The following MRTFB variants were observed in gnomAD, a reference collection of about 807,000 sequenced individuals.
MRTFB encodes the protein myocardin related transcription factor B.
In MRTFB, 29 loss-of-function variants were observed where a neutral mutation model predicts 104.2. The ratio of observed to expected loss-of-function variants is 0.28; its 90% CI spans 0.21 to 0.38. The LOEUF (loss-of-function observed/expected upper bound fraction) is 0.38. Among genes scored for constraint, MRTFB ranks in the 10% least tolerant of loss-of-function variants. The probability of loss-of-function intolerance (pLI) is 1.00; values close to 1 mark genes in which losing one functional copy is unlikely to be tolerated. For missense variants in MRTFB, 1,270 were observed against 1,341.6 expected (o/e 0.95, Z 0.83); for synonymous variants, 535 against 519.5 (o/e 1.03, Z -0.41).
At chr16:14,111,442 C>A (rs1417522422) in intron 2 of MRTFB, among the ~76,000 whole-genome samples, 2 of 152,168 alleles carry the variant, frequency 1.3e-5, no homozygotes, top group African/African-American at 4.8e-5. Flanking sequence ...TCCCCACTTG[C>A]TGTGGACATT....
intron 15 of MRTFB, among the ~76,000 whole-genome samples, chr16:14,252,776 A>G (rs1015702128): frequency 6.6e-6 from 1 of 152,200 alleles, no homozygotes; most frequent in Non-Finnish European, 1.5e-5. Context: ...GGCATCAGTC[A>G]TGTTAGAGAT....
intron 3 of MRTFB, among the ~76,000 whole-genome samples, chr16:14,166,052 C>T (rs1000416378): frequency 3.3e-5 from 5 of 152,148 alleles, no homozygotes; most frequent in Non-Finnish European, 7.3e-5. Context: ...TTATAATACT[C>T]GCTTTCTATG....
At chr16:14,192,936 G>C (rs539166869) in intron 3 of MRTFB, among the ~76,000 whole-genome samples, 3 of 152,162 alleles carry the variant, frequency 2.0e-5, no homozygotes, top group South Asian at 4.2e-4. Context: ...CTGTCACCAA[G>C]TCCTGCCGCC....
chr16:14,118,083 C>G, intron 2 of MRTFB, among the ~76,000 whole-genome samples: 1 of 151,094 alleles, frequency 6.6e-6, no homozygotes, highest in African/African-American at 2.4e-5. Context: ...AGAGTTGATG[C>G]TCCCCTGTGT....
intron 2 of MRTFB, among the ~76,000 whole-genome samples, chr16:14,107,647 T>C (rs564247481): frequency 6.2e-4 from 95 of 152,334 alleles, no homozygotes; most frequent in African/African-American, 2.2e-3. Context: ...GACTGCCCTG[T>C]GCCAGCTACT....
intron 2 of MRTFB, among the ~76,000 whole-genome samples, chr16:14,110,867 T>C (rs994509044): frequency 1.3e-5 from 2 of 152,140 alleles, no homozygotes; most frequent in African/African-American, 4.8e-5. Flanking sequence ...TTTCCCATCC[T>C]GTCCCGTCCC....
At chr16:14,007,560 A>G in the MRTFB span, among the ~76,000 whole-genome samples, 1 of 152,162 alleles carries the variant, frequency 6.6e-6, no homozygotes, top group Non-Finnish European at 1.5e-5. Flanking sequence ...GTGTGGACAT[A>G]TGTTTTCATT....
rs755014646 is a variant in MRTFB at position 14,227,289 on chromosome 16, A to AC, written c.694-6857_694-6856insC. Among the ~76,000 whole-genome samples the AC allele has an allele frequency of 1.5e-3, 226 of 150,168 alleles. 1 individual carries two copies. Among genetic ancestry groups the AC allele is most frequent in the Middle Eastern group, 3.5e-3 (1 of 288 alleles). ...GAGAGCTTGTTGTTAAAAAAACAAA[A>AC]ACAAAACAAAAAGAAAGAAAGAAAA... On this transcript the variant is annotated intron_variant, in intron 8 of 16. Transcript: ENST00000571589.
chr16:14,094,846 G>A (rs1242838218), intron 2 of MRTFB, among the ~76,000 whole-genome samples: 1 of 152,216 alleles, frequency 6.6e-6, no homozygotes, highest in Non-Finnish European at 1.5e-5. Context: ...TGTCATTAAT[G>A]AATGTGGAGT....
At chr16:14,030,328 C>T in the MRTFB span, among the ~76,000 whole-genome samples, 3 of 152,340 alleles carry the variant, frequency 2.0e-5, no homozygotes, top group Non-Finnish European at 4.4e-5. Context: ...GTGCTCTCCC[C>T]TCTGCCCTCT....
intron 3 of MRTFB, among the ~76,000 whole-genome samples, chr16:14,156,623 CT>C (rs1217155004): frequency 2.6e-5 from 4 of 152,116 alleles, no homozygotes; most frequent in Admixed American, 6.5e-5. Flanking sequence ...GAAGTCATCT[CT>C]TTTTTTAAAT....
Position 14,246,940 on chromosome 16 carries a change from G to C in MRTFB, c.1680G>C (p.Leu560=). Residue 560 remains leucine, a synonymous_variant, in exon 12 of 17, where the codon CTG becomes CTC. Transcript: ENST00000571589. ...EDSLSPTSST[L]SNLELDAAEK... is the part of the protein sequence containing the mutation. ...GTCTGAGTCCCACCAGCAGCACTCT[G>C]TCAAACCTGGAACTGGATGCAGCCG... is the stretch of plus-strand genomic sequence containing the variant. 5 of 1,614,046 alleles carry C rather than the reference G, an allele frequency of 3.1e-6. No homozygotes were observed. The highest frequency in any genetic ancestry group is 3.4e-6 in the Non-Finnish European group (4 of 1,180,038).
intron 1 of MRTFB, among the ~76,000 whole-genome samples, chr16:14,078,984 G>T (rs1430951247): frequency 6.6e-6 from 1 of 152,128 alleles, no homozygotes; most frequent in Admixed American, 6.5e-5. Context: ...GTAGAAAGTG[G>T]TAGAACCGGG....
chr16:14,056,694 C>T, the MRTFB span, among the ~76,000 whole-genome samples: 9 of 152,334 alleles, frequency 5.9e-5, no homozygotes, highest in African/African-American at 2.2e-4. Flanking sequence ...CTGCTGGAGT[C>T]TCTCAGTGTT....
chr16:14,220,795 G>A (rs1293554932), intron 8 of MRTFB, among the ~76,000 whole-genome samples: 5 of 152,148 alleles, frequency 3.3e-5, no homozygotes, highest in South Asian at 2.1e-4. Flanking sequence ...CAACTAGGGC[G>A]ATGGGAGAAG....
chr16:14,007,074 C>T, the MRTFB span, among the ~76,000 whole-genome samples: 14 of 152,078 alleles, frequency 9.2e-5, no homozygotes, highest in African/African-American at 2.9e-4. Context: ...ATTCGTACAC[C>T]GTACAAGTCA....
At position 14,246,078 on chromosome 16, in the gene MRTFB, G is replaced by A. The variant is rs141059148; in HGVS notation, c.1213-395G>A. 6.1e-3 allele frequency among the ~76,000 whole-genome samples: 925 copies of A among 152,226 alleles called. 1 individual carries two copies. The highest frequency in any genetic ancestry group is 0.01 in the Middle Eastern group (3 of 294). On this transcript the variant is annotated intron_variant, in intron 11 of 16. Coordinates refer to ENST00000571589, the MANE Select transcript of MRTFB (RefSeq NM_001308142.2). ...TCAGCCTCTCTCTTCTTTGCCTCCC[G>A]ATCTGTAAAATGGGAAGAATAATGA...
At chr16:14,181,016 A>C (rs2039751873) in intron 3 of MRTFB, among the ~76,000 whole-genome samples, 1 of 152,158 alleles carries the variant, frequency 6.6e-6, no homozygotes, top group Non-Finnish European at 1.5e-5. Context: ...AGCGGTTTTC[A>C]TAGGGGCTAA....
chr16:14,241,964 CAATAATAATAATAATAATAATAAT>C (rs34609591), intron 10 of MRTFB, among the ~76,000 whole-genome samples: 15 of 138,588 alleles, frequency 1.1e-4, no homozygotes, highest in East Asian at 4.2e-4. Context: ...CATTGGGCAC[CAATAATAATAATAATAATAATAAT>C]AATAATAATA....
Sources: gnomAD v4.1 joint callset for allele counts (sites outside exome capture counted in the v4.1 genomes callset) on GRCh38, gnomAD v4.1.1 for gene constraint, MANE v1.5 for transcripts, NCBI Gene and HGNC (gene_info 2026-07-23, HGNC 2026-07-21) for gene names.